The following MACROD1 variants were observed in gnomAD, a reference collection of about 807,000 sequenced individuals.
MACROD1 encodes the protein mono-ADP ribosylhydrolase 1.
Under a neutral mutation model 41.4 loss-of-function variants are expected in MACROD1, and 31 were observed. The observed-to-expected ratio is 0.75, with a 90% confidence interval of 0.56 to 1.01. The LOEUF (loss-of-function observed/expected upper bound fraction) is 1.01, where lower values mean the gene tolerates loss of function less well. Among genes scored for constraint, MACROD1 ranks in the 50% least tolerant of loss-of-function variants. The pLI is 0.00. For missense variants in MACROD1, 473 were observed against 460.0 expected (o/e 1.03, Z -0.26); for synonymous variants, 252 against 203.4 (o/e 1.24, Z -2.03).
rs768589474 is a variant in MACROD1 at position 64,120,948 on chromosome 11, CCT to C, written c.517+30289_517+30290del. Among the ~76,000 whole-genome samples, 82 of 152,330 alleles carry C rather than the reference CCT, an allele frequency of 5.4e-4. No individual in the cohort carries two copies. Among genetic ancestry groups the C allele is most frequent in the Middle Eastern group, 3.4e-3 (1 of 294 alleles). The stretch of plus-strand genomic sequence containing the variant: ...ACTGTCCCCACCTCACCTAGGTCCC[CCT>C]GTCTCCTCTCCCCACCCTAGACAGG... On this transcript the variant is annotated intron_variant, in intron 3 of 10. Coordinates refer to ENST00000255681, the MANE Select transcript of MACROD1 (RefSeq NM_014067.4). This position sits in a 1 kb window ranked among gnomAD's most constrained non-coding sequence, Gnocchi z 4.5.
chr11:64,118,194 G>T (rs746183688), intron 3 of MACROD1: 1 of 1,613,106 alleles, frequency 6.2e-7, no homozygotes, highest in South Asian at 1.1e-5. Context: ...CCCCTCCAAC[G>T]GCAGCAGCCT....
At chr11:64,132,343 ATCT>A (rs1237010556) in intron 3 of MACROD1, among the ~76,000 whole-genome samples, 4 of 146,026 alleles carry the variant, frequency 2.7e-5, no homozygotes, top group Non-Finnish European at 6.0e-5. Flanking sequence ...ACCAAGGGGA[ATCT>A]TCTATGTCCA....
chr11:64,019,345 C>T (rs920491350), intron 3 of MACROD1, among the ~76,000 whole-genome samples: 2 of 152,134 alleles, frequency 1.3e-5, no homozygotes, highest in Non-Finnish European at 2.9e-5. Context: ...CTGTCCGCTG[C>T]TGGCGGTCCC....
At chr11:64,131,861 T>C (rs1945271088) in intron 3 of MACROD1, among the ~76,000 whole-genome samples, 1 of 152,022 alleles carries the variant, frequency 6.6e-6, no homozygotes, top group South Asian at 2.1e-4. Flanking sequence ...GAAAATCTCC[T>C]ACAGGCAAAC....
In MACROD1 at chr11:63,999,713, G is replaced by C. The variant is rs1026592749; in HGVS notation, c.715C>G (p.Gln239Glu). The change falls in exon 6 of 11, where the codon CAG becomes GAG. Residue 239 changes from glutamine to glutamate, a missense_variant. By Grantham distance (29) the Gln-to-Glu change is conservative. Coordinates refer to ENST00000255681, the MANE Select transcript of MACROD1 (RefSeq NM_014067.4). ...TAGCAGCTGCGGAGCTCGGCAGCCTGACTGGCGCTGGGCTCCCCGTAGGCG... is the reference window on the plus strand; with the variant it reads ...TAGCAGCTGCGGAGCTCGGCAGCCTCACTGGCGCTGGGCTCCCCGTAGGCG... ...PIAYGEPSAS[Q>E]AAELRSCYLS... 6.2e-7 allele frequency: 1 copy of C among 1,608,824 alleles called. No homozygotes were observed. Among genetic ancestry groups the C allele is most frequent in the African/African-American group, 1.3e-5 (1 of 74,864 alleles).
At chr11:64,012,087 A>C (rs1943023791) in intron 4 of MACROD1, among the ~76,000 whole-genome samples, 1 of 152,154 alleles carries the variant, frequency 6.6e-6, no homozygotes, top group Non-Finnish European at 1.5e-5. Flanking sequence ...GCCCATGTTA[A>C]AAGGTTGGAC....
chr11:64,098,578 C>T (rs563682165), intron 3 of MACROD1, among the ~76,000 whole-genome samples: 1 of 152,296 alleles, frequency 6.6e-6, no homozygotes, highest in East Asian at 1.9e-4. Flanking sequence ...GGATGGCCAT[C>T]CTGGTAGGGG....
chr11:64,116,472 G>A (rs748337416), intron 3 of MACROD1: 12 of 1,613,920 alleles, frequency 7.4e-6, no homozygotes, highest in Admixed American at 1.7e-5. Flanking sequence ...CTACTGCAAC[G>A]ACCGGGGACT....
intron 3 of MACROD1, among the ~76,000 whole-genome samples, chr11:64,056,177 G>T (rs774589452): frequency 6.6e-5 from 10 of 152,164 alleles, no homozygotes; most frequent in Non-Finnish European, 1.5e-4. Context: ...TTTGGGCTGT[G>T]CAGGCAAAAA....
chr11:64,117,234 C>T (rs373211331), intron 3 of MACROD1: 2 of 1,614,092 alleles, frequency 1.2e-6, no homozygotes, highest in African/African-American at 1.3e-5. Context: ...CCTGGCCCAG[C>T]TGCTGCTCAG....
At position 64,165,568 on chromosome 11, in the gene MACROD1, G is replaced by T. The variant is rs559716405; in HGVS notation, c.298+129C>A. On this transcript the variant is annotated intron_variant, in intron 1 of 10. Coordinates refer to ENST00000255681, the MANE Select transcript of MACROD1 (RefSeq NM_014067.4). ...AATGGGGAGGAGGGGTCCGTTCCAG[G>T]GCAGATGGGGCCTCAACTTCCCCAG... 31 of 798,526 alleles carry T rather than the reference G, an allele frequency of 3.9e-5. No individual in the cohort carries two copies. In the Admixed American group the frequency reaches 9.9e-4, roughly 25 times the overall value. 49.5% of individuals were successfully genotyped at this position (798,526 alleles called of 1,614,324 possible).
At chr11:64,070,549 G>A (rs949456909) in intron 3 of MACROD1, among the ~76,000 whole-genome samples, 4 of 152,194 alleles carry the variant, frequency 2.6e-5, no homozygotes, top group Non-Finnish European at 4.4e-5. Context: ...TCGAGAACTC[G>A]AAGCAAGTCA....
chr11:64,002,385 C>A (rs1344567712), intron 4 of MACROD1, among the ~76,000 whole-genome samples: 1 of 152,110 alleles, frequency 6.6e-6, no homozygotes, highest in Non-Finnish European at 1.5e-5. Context: ...GACCTGGGGG[C>A]GCAAGGGAGG....
At chr11:64,142,859 T>C (rs982990637) in intron 3 of MACROD1, among the ~76,000 whole-genome samples, 5 of 152,056 alleles carry the variant, frequency 3.3e-5, no homozygotes, top group African/African-American at 7.2e-5. Flanking sequence ...CTCACGGCTG[T>C]AGTCCCAGCA....
At chr11:64,156,594 G>C (rs1565264328) in intron 1 of MACROD1, among the ~76,000 whole-genome samples, 1 of 152,222 alleles carries the variant, frequency 6.6e-6, no homozygotes, top group African/African-American at 2.4e-5. Flanking sequence ...AGAGGAGGCA[G>C]AGTGACCTGC....
chr11:64,068,898 C>T (rs950804854), intron 3 of MACROD1, among the ~76,000 whole-genome samples: 1 of 152,216 alleles, frequency 6.6e-6, no homozygotes, highest in East Asian at 1.9e-4. Context: ...GGGGACTTGG[C>T]GGGAAATGGG....
At chr11:64,080,215 G>A (rs1944279253) in intron 3 of MACROD1, among the ~76,000 whole-genome samples, 1 of 152,094 alleles carries the variant, frequency 6.6e-6, no homozygotes, top group Non-Finnish European at 1.5e-5. Flanking sequence ...GTATCAACAT[G>A]TTGGCCAGGC....
At position 64,099,461 on chromosome 11, in the gene MACROD1, T is replaced by G. The variant is rs577396601; in HGVS notation, c.517+51778A>C. Among the ~76,000 whole-genome samples the G allele has an allele frequency of 2.0e-4, 31 of 152,026 alleles. 1 individual carries two copies. The highest frequency in any genetic ancestry group is 6.0e-4 in the African/African-American group (25 of 41,436). On this transcript the variant is annotated intron_variant, in intron 3 of 10. Transcript: ENST00000255681. ...ATGGAAAGATGGAGAAATGGATAGG[T>G]GGAGAGAAATGGATGAATGGAGAGA...
intron 1 of MACROD1, among the ~76,000 whole-genome samples, chr11:64,153,211 C>T (rs1041725445): frequency 3.3e-5 from 5 of 152,144 alleles, no homozygotes; most frequent in South Asian, 2.1e-4. Context: ...CCGCCCCGAC[C>T]GCGCCAGGCC....
Sources: allele counts gnomAD v4.1 joint callset (sites outside exome capture counted in the v4.1 genomes callset), GRCh38; gene constraint gnomAD v4.1.1; non-coding constraint Gnocchi (gnomAD v3.1); transcripts MANE v1.5; gene names NCBI Gene and HGNC (gene_info 2026-07-23, HGNC 2026-07-21).